The following XKR4 variants were observed in gnomAD, a reference collection of about 807,000 sequenced individuals.
XKR4 encodes the protein XK related 4.
A neutral mutation model predicts 53.9 loss-of-function variants in XKR4; 12 were observed. The ratio of observed to expected loss-of-function variants is 0.22; its 90% CI spans 0.14 to 0.36. The LOEUF is 0.36. XKR4 is among the 10% of genes least tolerant of loss of function. XKR4 has a pLI of 1.00. For missense variants in XKR4, 799 were observed against 859.5 expected, an observed-to-expected ratio of 0.93 and a Z score of 0.88; for synonymous variants, 354 against 362.4, an observed-to-expected ratio of 0.98 and a Z score of 0.26.
At chr8:55,288,919 G>T (rs1818944913) in intron 1 of XKR4, among the ~76,000 whole-genome samples, 1 of 152,078 alleles carries the variant, frequency 6.6e-6, no homozygotes, top group South Asian at 2.1e-4. Context: ...TAACCTTTTG[G>T]AATTGGCTGT....
intron 2 of XKR4, among the ~76,000 whole-genome samples, chr8:55,376,906 C>T (rs1181442389): frequency 6.6e-6 from 1 of 151,618 alleles, no homozygotes; most frequent in Non-Finnish European, 1.5e-5. Flanking sequence ...CTCTCTGTCT[C>T]TACCTCTCTC....
rs1013716585 is a variant in XKR4 at position 55,457,272 on chromosome 8, A to G, written c.1007-66009A>G. Reference sequence around the variant, plus strand: ...ATTCTCCTGCCTCAGCCTCCTGAATAGCTGGGACTACAGGCGCCCACCACC... The same window carrying G: ...ATTCTCCTGCCTCAGCCTCCTGAATGGCTGGGACTACAGGCGCCCACCACC... On this transcript the variant is annotated intron_variant, in intron 2 of 2. Transcript: ENST00000327381. 2.6e-5 allele frequency among the ~76,000 whole-genome samples: 4 copies of G among 151,444 alleles called. No individual in the cohort carries two copies. The South Asian group carries it at 8.3e-4, about 32-fold the overall frequency.
intron 1 of XKR4, among the ~76,000 whole-genome samples, chr8:55,342,570 C>T (rs552645822): frequency 3.2e-4 from 49 of 152,234 alleles, no homozygotes; most frequent in African/African-American, 1.0e-3. Context: ...TGCCCCCCAC[C>T]GATCTGCTCC....
At chr8:55,213,683 A>C (rs1479815651) in intron 1 of XKR4, among the ~76,000 whole-genome samples, 1 of 152,174 alleles carries the variant, frequency 6.6e-6, no homozygotes, top group Non-Finnish European at 1.5e-5. Context: ...AGTTCCTCCC[A>C]AGGTAGTTCA....
At chr8:55,196,175 CTTTT>C (rs1032613430) in intron 1 of XKR4, among the ~76,000 whole-genome samples, 3 of 125,942 alleles carry the variant, frequency 2.4e-5, no homozygotes, top group East Asian at 4.4e-4. Flanking sequence ...GTTGTGCTTC[CTTTT>C]TTTTTTTTTT....
At chr8:55,233,355 T>A (rs1818071521) in intron 1 of XKR4, among the ~76,000 whole-genome samples, 1 of 151,992 alleles carries the variant, frequency 6.6e-6, no homozygotes, top group Non-Finnish European at 1.5e-5. Context: ...GTCTCTTATG[T>A]CATTCTAAAT....
chr8:55,248,602 C>T (rs1250387362), intron 1 of XKR4, among the ~76,000 whole-genome samples: 1 of 152,222 alleles, frequency 6.6e-6, no homozygotes, highest in African/African-American at 2.4e-5. Context: ...CTCATATATT[C>T]ACTCTGCTTC....
intron 2 of XKR4, among the ~76,000 whole-genome samples, chr8:55,399,618 AG>A (rs1804569960): frequency 6.6e-6 from 1 of 152,208 alleles, no homozygotes; most frequent in Non-Finnish European, 1.5e-5. Flanking sequence ...CAGGAATCCA[AG>A]TCTGTAATCC....
At chr8:55,197,552 T>A (rs896823201) in intron 1 of XKR4, among the ~76,000 whole-genome samples, 2 of 151,806 alleles carry the variant, frequency 1.3e-5, no homozygotes, top group African/African-American at 4.8e-5. Flanking sequence ...TAAATTTTTT[T>A]TTTTTTTTTG....
intron 1 of XKR4, among the ~76,000 whole-genome samples, chr8:55,150,367 G>A (rs1816824952): frequency 6.6e-6 from 1 of 152,290 alleles, no homozygotes; most frequent in Admixed American, 6.5e-5. Flanking sequence ...TATATGGGTT[G>A]CTAAAGAAGA....
intron 1 of XKR4, among the ~76,000 whole-genome samples, chr8:55,253,994 A>G (rs1818398653): frequency 6.6e-6 from 1 of 151,880 alleles, no homozygotes; most frequent in Non-Finnish European, 1.5e-5. Context: ...TGCTGGAATT[A>G]TAGGCGCGAG....
chr8:55,330,436 G>A (rs77454829), intron 1 of XKR4, among the ~76,000 whole-genome samples: 1,735 of 152,172 alleles, frequency 0.011, 28 homozygotes, highest in African/African-American at 0.039. Context: ...CACATGGTAA[G>A]CAATCAATTA....
At chr8:55,503,005 A>G (rs2129403688) in intron 2 of XKR4, among the ~76,000 whole-genome samples, 1 of 152,164 alleles carries the variant, frequency 6.6e-6, no homozygotes, top group East Asian at 1.9e-4. Context: ...AAATCGTTTG[A>G]CCATCTATGT....
chr8:55,162,636 G>A (rs1182884120), intron 1 of XKR4, among the ~76,000 whole-genome samples: 1 of 152,146 alleles, frequency 6.6e-6, no homozygotes, highest in Non-Finnish European at 1.5e-5. Context: ...CAAAATCCCT[G>A]TTCTTTCCAC....
intron 1 of XKR4, among the ~76,000 whole-genome samples, chr8:55,143,629 G>A (rs1258481066): frequency 6.6e-6 from 1 of 152,150 alleles, no homozygotes; most frequent in Admixed American, 6.5e-5. Context: ...ATTAAAAGGG[G>A]CCATCAAGGT....
chr8:55,454,604 A>G, intron 2 of XKR4: 3 of 1,366,300 alleles, frequency 2.2e-6, no homozygotes, highest in Non-Finnish European at 3.1e-6. Context: ...CCAGCCCCCA[A>G]ATAAATCGTC....
intron 1 of XKR4, among the ~76,000 whole-genome samples, chr8:55,152,226 T>C (rs186161121): frequency 1.3e-5 from 2 of 152,314 alleles, no homozygotes; most frequent in African/African-American, 4.8e-5. Flanking sequence ...AAGAGGACTC[T>C]AGATCAGATT....
chr8:55,421,738 T>A (rs1393319614), intron 2 of XKR4, among the ~76,000 whole-genome samples: 1 of 152,218 alleles, frequency 6.6e-6, no homozygotes, highest in Non-Finnish European at 1.5e-5. Context: ...TTTGTTACAA[T>A]AACCAAGTTC....
chr8:55,389,596 G>C (rs780528370), intron 2 of XKR4, among the ~76,000 whole-genome samples: 4 of 152,140 alleles, frequency 2.6e-5, no homozygotes, highest in Non-Finnish European at 4.4e-5. Flanking sequence ...AAGGAATACA[G>C]ATATACCATC....
Sources: allele counts gnomAD v4.1 joint callset (sites outside exome capture counted in the v4.1 genomes callset), GRCh38; gene constraint gnomAD v4.1.1; transcripts MANE v1.5; gene names NCBI Gene and HGNC (gene_info 2026-07-23, HGNC 2026-07-21).